MTMR7: variants seen among roughly 807,000 people sequenced by gnomAD.
The protein encoded by MTMR7 is myotubularin related protein 7.
MTMR7 carries 76 observed loss-of-function variants against 81.2 expected under a neutral mutation model. That is an observed-to-expected ratio of 0.94 (90% confidence interval 0.78 to 1.13). The LOEUF is 1.13. MTMR7 is among the 50% of genes most tolerant of loss of function. The pLI is 0.00. For synonymous variants in MTMR7, 372 were observed against 289.8 expected, an observed-to-expected ratio of 1.28 and a Z score of -2.88; for missense variants, 1,044 against 820.0, an observed-to-expected ratio of 1.27 and a Z score of -3.34.
At chr8:17,397,502 G>C (rs547012165) in intron 1 of MTMR7, among the ~76,000 whole-genome samples, 1 of 152,194 alleles carries the variant, frequency 6.6e-6, no homozygotes, top group Non-Finnish European at 1.5e-5. Context: ...AAAGGAGAGG[G>C]AAGAGCAGGA....
At chr8:17,391,965 G>A (rs564910709) in intron 1 of MTMR7, among the ~76,000 whole-genome samples, 5 of 152,098 alleles carry the variant, frequency 3.3e-5, no homozygotes, top group African/African-American at 1.2e-4. Flanking sequence ...CAGGGGAAAG[G>A]GCACTAGGAA....
intron 5 of MTMR7, among the ~76,000 whole-genome samples, chr8:17,347,853 G>C (rs964846960): frequency 3.3e-5 from 5 of 152,142 alleles, no homozygotes; most frequent in Non-Finnish European, 7.3e-5. Flanking sequence ...GGCAGTTTTT[G>C]GAAGCCTTCC....
At chr8:17,400,567 C>G (rs1341044293) in intron 1 of MTMR7, among the ~76,000 whole-genome samples, 2 of 152,210 alleles carry the variant, frequency 1.3e-5, no homozygotes, top group Non-Finnish European at 2.9e-5. Context: ...TCTACATTAT[C>G]AAGCGTTACC....
At chr8:17,398,705 A>C (rs1001718405) in intron 1 of MTMR7, among the ~76,000 whole-genome samples, 1 of 152,208 alleles carries the variant, frequency 6.6e-6, no homozygotes, top group African/African-American at 2.4e-5. Context: ...TCTTAAGTAG[A>C]AAGATTAAAT....
intron 12 of MTMR7, among the ~76,000 whole-genome samples, chr8:17,303,086 C>G (rs896208025): frequency 2.0e-5 from 3 of 152,006 alleles, no homozygotes; most frequent in African/African-American, 7.2e-5. Context: ...ACAGAGTTAC[C>G]CTTAGAACCA....
At chr8:17,386,332 C>A (rs1364296640) in intron 1 of MTMR7, among the ~76,000 whole-genome samples, 2 of 152,196 alleles carry the variant, frequency 1.3e-5, no homozygotes. Context: ...GGGCCGTGAT[C>A]ATGCCACTGC....
chr8:17,370,040 A>T (rs1044220265), intron 3 of MTMR7, among the ~76,000 whole-genome samples: 3 of 152,046 alleles, frequency 2.0e-5, no homozygotes, highest in Admixed American at 6.5e-5. Context: ...TAAGCTATAA[A>T]TCCGAAGAGC....
chr8:17,401,713 G>A (rs1490915546), intron 1 of MTMR7, among the ~76,000 whole-genome samples: 2 of 152,124 alleles, frequency 1.3e-5, no homozygotes, highest in Non-Finnish European at 2.9e-5. Context: ...AAAGAGGAGT[G>A]AAGGGTAACT....
Position 17,348,953 on chromosome 8 carries a change from G to A in MTMR7, c.597C>T (p.His199=), listed in dbSNP as rs143745263. The A allele has an allele frequency of 5.3e-5, 85 of 1,613,646 alleles. No individual in the cohort carries two copies. In the African/African-American group the frequency reaches 1.1e-3, roughly 20 times the overall value. Reference sequence around the variant, plus strand: ...AACAAAAACACGCCTCGAGACTTACGTGGTTATCTTTATAATAGTAAGAAA... The same window carrying A: ...AACAAAAACACGCCTCGAGACTTACATGGTTATCTTTATAATAGTAAGAAA... ...PVLSYYYKDN[H]ASICRSSQPL... The change falls in exon 5 of 14, where the codon CAC becomes CAT. Residue 199 remains histidine (H), a splice_region_variant and synonymous_variant. Transcript: ENST00000180173.
rs766976266 is a variant in MTMR7 at position 17,311,539 on chromosome 8, G to C, written c.1073C>G (p.Pro358Arg). The change falls in exon 9 of 14, where the codon CCT (proline) becomes CGT (arginine). Residue 358 changes from proline (P) to arginine (R), a missense_variant. Coordinates refer to ENST00000180173, the MANE Select transcript of MTMR7 (RefSeq NM_004686.5). ...GAAGCCCTTCAGAGTCCGGTAGTGA[G>C]GGTCCAGCAGCAGGCTTGCCACCGA... is the stretch of plus-strand genomic sequence containing the variant. ...VCSVASLLLD[P>R]HYRTLKGFMV... 2 of 1,614,100 alleles carry C rather than the reference G, an allele frequency of 1.2e-6. No homozygotes were observed. Among genetic ancestry groups the C allele is most frequent in the South Asian group, 2.2e-5 (2 of 91,068 alleles).
At chr8:17,408,157 G>A (rs192026727) in intron 1 of MTMR7, among the ~76,000 whole-genome samples, 9,607 of 65,384 alleles carry the variant, frequency 0.15, 3,096 homozygotes, top group Non-Finnish European at 0.31. Flanking sequence ...TTGGGAGGCC[G>A]AGGCGGGCGG....
At chr8:17,366,995 T>C (rs1663416755) in intron 3 of MTMR7, among the ~76,000 whole-genome samples, 1 of 132,728 alleles carries the variant, frequency 7.5e-6, no homozygotes, top group African/African-American at 3.4e-5. Context: ...CCTCACCTTA[T>C]CTGTCTTGTT....
intron 3 of MTMR7, among the ~76,000 whole-genome samples, chr8:17,366,888 A>AAAAAAAAAAACAAAC (rs2150561672): frequency 7.7e-6 from 1 of 130,370 alleles, no homozygotes; most frequent in East Asian, 3.7e-4. Context: ...TCCATCTCAA[A>AAAAAAAAAAACAAAC]AAAAAAAAAA....
At chr8:17,303,622 T>C (rs922117944) in intron 12 of MTMR7, among the ~76,000 whole-genome samples, 2 of 152,190 alleles carry the variant, frequency 1.3e-5, no homozygotes, top group Non-Finnish European at 2.9e-5. Context: ...TTTTTTTTTT[T>C]TTTTGAGATG....
rs201732199 is a variant in MTMR7, at chr8:17,299,822, T to A, written c.*40A>T. ...CTTGTTCCCTTGTTTTTGGAAGTGT[T>A]GCTTATGTGTCCTTTACTTTGGAAC... On this transcript the variant is annotated 3_prime_UTR_variant, in exon 14 of 14. Coordinates refer to ENST00000180173, the MANE Select transcript of MTMR7 (RefSeq NM_004686.5). 1.9e-6 allele frequency: 3 copies of A among 1,603,204 alleles called. No homozygotes were observed. Among genetic ancestry groups the A allele is most frequent in the Non-Finnish European group, 2.6e-6 (3 of 1,173,360 alleles).
intron 5 of MTMR7, among the ~76,000 whole-genome samples, chr8:17,345,302 G>A (rs923185770): frequency 6.6e-6 from 1 of 152,210 alleles, no homozygotes; most frequent in African/African-American, 2.4e-5. Flanking sequence ...GTTCCTGCCC[G>A]TCCCCCAGAA....
chr8:17,330,418 C>T (rs542130931), intron 7 of MTMR7, among the ~76,000 whole-genome samples: 4 of 152,288 alleles, frequency 2.6e-5, no homozygotes, highest in East Asian at 3.9e-4. Context: ...TTCGCAGAGC[C>T]GGAAGTGGTA....
chr8:17,370,967 A>C, intron 3 of MTMR7, 70 bp downstream of exon 3: 3 of 1,506,330 alleles, frequency 2.0e-6, no homozygotes, highest in Non-Finnish European at 2.7e-6. Flanking sequence ...AGCACCATAC[A>C]AATTCTTGAA....
chr8:17,319,347 A>G (rs1818267266), intron 7 of MTMR7, among the ~76,000 whole-genome samples: 1 of 152,250 alleles, frequency 6.6e-6, no homozygotes, highest in Non-Finnish European at 1.5e-5. Flanking sequence ...AATGGTAGCT[A>G]TGATACACAT....
Sources: gnomAD v4.1 joint callset for allele counts (sites outside exome capture counted in the v4.1 genomes callset) on GRCh38, gnomAD v4.1.1 for gene constraint, MANE v1.5 for transcripts, NCBI Gene and HGNC (gene_info 2026-07-23, HGNC 2026-07-21) for gene names.